SASH1: variants seen among roughly 807,000 people sequenced by gnomAD.
SASH1 encodes the protein SAM and SH3 domain containing 1.
A neutral mutation model predicts 125.2 loss-of-function variants in SASH1; 44 were observed. The ratio of observed to expected loss-of-function variants is 0.35; its 90% CI spans 0.28 to 0.45. SASH1 has a LOEUF of 0.45. SASH1 is among the 20% of genes least tolerant of loss of function. SASH1 has a pLI of 1.00. For synonymous variants in SASH1, 639 were observed against 649.1 expected, an observed-to-expected ratio of 0.98 and a Z score of 0.24; for missense variants, 1,426 against 1,614.5, an observed-to-expected ratio of 0.88 and a Z score of 2.00.
intron 16 of SASH1, among the ~76,000 whole-genome samples, chr6:148,539,419 T>C (rs1255073737): frequency 1.3e-5 from 2 of 152,180 alleles, no homozygotes; most frequent in African/African-American, 4.8e-5. Context: ...TATGTGCTTA[T>C]AGCTTAGCTC....
intron 11 of SASH1, among the ~76,000 whole-genome samples, chr6:148,525,616 T>G (rs567214937): frequency 3.3e-5 from 5 of 152,350 alleles, no homozygotes; most frequent in Admixed American, 3.3e-4. Context: ...TGCTTCCAGT[T>G]TTCTTCAAGT....
At chr6:148,322,300 C>T (rs1226221948) in intron 1 of SASH1, among the ~76,000 whole-genome samples, 2 of 151,812 alleles carry the variant, frequency 1.3e-5, no homozygotes, top group Non-Finnish European at 2.9e-5. Flanking sequence ...TGCATTGAGC[C>T]GAGACTGCGC....
the SASH1 span, among the ~76,000 whole-genome samples, chr6:148,241,265 C>T: frequency 6.6e-6 from 1 of 152,176 alleles, no homozygotes; most frequent in Non-Finnish European, 1.5e-5. Flanking sequence ...GCCTTCTCAT[C>T]CAGGCTATGT....
At chr6:148,339,218 A>G (rs1156829948), upstream of SASH1, among the ~76,000 whole-genome samples, 2 of 151,812 alleles carry the variant, frequency 1.3e-5, no homozygotes, top group Admixed American at 6.6e-5. Flanking sequence ...TAATTTTTGT[A>G]TTTCTAGTAG....
rs1291056697 is a variant in SASH1 at position 148,390,255 on chromosome 6, T to C, written c.278T>C (p.Leu93Pro). 6.2e-7 allele frequency: 1 copy of C among 1,610,780 alleles called. No homozygotes were observed. The highest frequency in any genetic ancestry group is 2.2e-5 in the East Asian group (1 of 44,798). Reference sequence around the variant, plus strand: ...CGGAAACGGCGGGTTTCCCAGGACCTGGAAGTGGTGAGTGGGGGTCCTGGG... The same window carrying C: ...CGGAAACGGCGGGTTTCCCAGGACCCGGAAGTGGTGAGTGGGGGTCCTGGG... ...ELRKRRVSQDLEVEKPDASPT... is the reference protein window; with the variant it reads ...ELRKRRVSQDPEVEKPDASPT... The change falls in exon 2 of 20, where the codon CTG becomes CCG. Residue 93 changes from leucine (L) to proline (P), a missense_variant. By Grantham distance (98) the Leu-to-Pro change is moderately conservative (BLOSUM62 -3). Around this residue, in one of 3 missense-constraint regions of SASH1, gnomAD observed 567 missense variants for 575.6 expected, o/e 0.99. Transcript: ENST00000367467.
chr6:148,535,898 A>G (rs1781814973), intron 16 of SASH1, among the ~76,000 whole-genome samples: 1 of 152,196 alleles, frequency 6.6e-6, no homozygotes. Context: ...AAAGAATTAT[A>G]CATTACTGAA....
chr6:148,265,637 T>C, the SASH1 span, among the ~76,000 whole-genome samples: 1 of 152,196 alleles, frequency 6.6e-6, no homozygotes, highest in Admixed American at 6.5e-5. Flanking sequence ...CATTGATTAA[T>C]GTTCCAACTT....
intron 1 of SASH1, among the ~76,000 whole-genome samples, chr6:148,361,352 C>A (rs1325852666): frequency 6.6e-6 from 1 of 152,162 alleles, no homozygotes; most frequent in Non-Finnish European, 1.5e-5. Flanking sequence ...AATCCCAGCA[C>A]TTTGGGAGGG....
chr6:148,381,494 C>T (rs1406299713), intron 1 of SASH1, among the ~76,000 whole-genome samples: 2 of 151,678 alleles, frequency 1.3e-5, no homozygotes, highest in Non-Finnish European at 1.5e-5. Context: ...TAAGGGTGTG[C>T]TGAGGAGGAG....
At chr6:148,508,473 C>T in intron 8 of SASH1, 1 of 999,980 alleles carries the variant, frequency 1.0e-6, no homozygotes, top group Non-Finnish European at 1.2e-6. Flanking sequence ...AACTGGAGGC[C>T]AGCAGGAGGT....
At chr6:148,299,847 T>C (rs1779892159) in intron 1 of SASH1, among the ~76,000 whole-genome samples, 1 of 152,258 alleles carries the variant, frequency 6.6e-6, no homozygotes, top group African/African-American at 2.4e-5. Context: ...AGAATAAATT[T>C]ACAGGGTGCC....
intron 7 of SASH1, among the ~76,000 whole-genome samples, chr6:148,483,346 A>G (rs935816597): frequency 6.6e-6 from 1 of 152,104 alleles, no homozygotes; most frequent in Non-Finnish European, 1.5e-5. Flanking sequence ...GTATTAAACT[A>G]TTCTTAAGGG....
intron 1 of SASH1, among the ~76,000 whole-genome samples, chr6:148,301,029 A>G (rs972539579): frequency 2.0e-5 from 3 of 151,716 alleles, no homozygotes; most frequent in African/African-American, 7.3e-5. Context: ...ATCTCAGCTC[A>G]CTGAAACCTC....
intron 1 of SASH1, among the ~76,000 whole-genome samples, chr6:148,282,784 G>C (rs574342292): frequency 6.6e-6 from 1 of 152,086 alleles, no homozygotes; most frequent in Non-Finnish European, 1.5e-5. Context: ...AGAATTGGGG[G>C]CTAGAGGCAG....
chr6:148,535,894 T>A (rs1781814532), intron 16 of SASH1, among the ~76,000 whole-genome samples: 1 of 152,170 alleles, frequency 6.6e-6, no homozygotes, highest in Non-Finnish European at 1.5e-5. Flanking sequence ...GAAAAAAGAA[T>A]TATACATTAC....
At chr6:148,387,239 T>A (rs768179857) in intron 1 of SASH1, among the ~76,000 whole-genome samples, 6 of 151,332 alleles carry the variant, frequency 4.0e-5, no homozygotes, top group Non-Finnish European at 7.4e-5. Flanking sequence ...TGCCTCAGGC[T>A]CCAAAGTAGC....
At chr6:148,350,232 A>G (rs1330863890) in intron 1 of SASH1, among the ~76,000 whole-genome samples, 1 of 152,164 alleles carries the variant, frequency 6.6e-6, no homozygotes, top group Non-Finnish European at 1.5e-5. Context: ...AGGCTGGAGG[A>G]TCGCTTGAGG....
chr6:148,221,655 C>T, the SASH1 span, among the ~76,000 whole-genome samples: 74 of 152,322 alleles, frequency 4.9e-4, no homozygotes, highest in Non-Finnish European at 7.8e-4. Flanking sequence ...GATTTGAGTT[C>T]ATCTAGACAA....
chr6:148,306,013 T>G (rs1490189646), intron 1 of SASH1, among the ~76,000 whole-genome samples: 2 of 152,144 alleles, frequency 1.3e-5, no homozygotes, highest in Non-Finnish European at 2.9e-5. Flanking sequence ...TCAAAATATC[T>G]CATGTGCCCC....
Sources: allele counts gnomAD v4.1 joint callset (sites outside exome capture counted in the v4.1 genomes callset), GRCh38; gene constraint gnomAD v4.1.1; regional missense constraint gnomAD v4.1.1; transcripts MANE v1.5; gene names NCBI Gene and HGNC (gene_info 2026-07-23, HGNC 2026-07-21).